Variants in TRIM2 observed in about 807,000 individuals in gnomAD.
The protein encoded by TRIM2 is tripartite motif containing 2, also known as tripartite motif-containing protein 2.
In TRIM2, 20 loss-of-function variants were observed where a neutral mutation model predicts 75.2. The observed-to-expected ratio is 0.27, with a 90% CI of 0.19 to 0.39. TRIM2 has a LOEUF of 0.39. Among genes scored for constraint, TRIM2 ranks in the 10% least tolerant of loss-of-function variants. The probability of loss-of-function intolerance (pLI) is 1.00; values close to 1 mark genes in which losing one functional copy is unlikely to be tolerated. For synonymous variants in TRIM2, 373 were observed against 388.3 expected, an observed-to-expected ratio of 0.96 and a Z score of 0.46; for missense variants, 660 against 990.8, an observed-to-expected ratio of 0.67 and a Z score of 4.48.
At chr4:153,323,471 GTTGTT>G (rs370045243) in intron 9 of TRIM2, among the ~76,000 whole-genome samples, 25 of 152,198 alleles carry the variant, frequency 1.6e-4, no homozygotes, top group East Asian at 9.7e-4. Flanking sequence ...TGGGTTTTCT[GTTGTT>G]TTGTTTTGTT....
chr4:153,231,342 G>T (rs1327898266), intron 1 of TRIM2, among the ~76,000 whole-genome samples: 1 of 152,184 alleles, frequency 6.6e-6, no homozygotes, highest in Admixed American at 6.5e-5. Context: ...GTTCAGAAAA[G>T]AGAGAGAACA....
At position 153,204,485 on chromosome 4, in the gene TRIM2, C is replaced by T; in HGVS notation, c.-46C>T. On this transcript the variant is annotated 5_prime_UTR_variant, in exon 1 of 12. Transcript: ENST00000338700. ...AATGGGCCCAGTTGTCTGCGGGCTGCGGGGAGCTAAGTCCCCAGATTGGAG... is the reference window on the plus strand; with the variant it reads ...AATGGGCCCAGTTGTCTGCGGGCTGTGGGGAGCTAAGTCCCCAGATTGGAG... The T allele has an allele frequency of 6.5e-7, 1 of 1,550,042 alleles. No homozygotes were observed. The highest frequency in any genetic ancestry group is 8.7e-7 in the Non-Finnish European group (1 of 1,145,602).
intron 1 of TRIM2, among the ~76,000 whole-genome samples, chr4:153,174,335 CCT>C (rs1222994902): frequency 6.6e-6 from 1 of 151,962 alleles, no homozygotes; most frequent in Non-Finnish European, 1.5e-5. Context: ...CCATCCCTTC[CCT>C]CTTTCTTTCC....
At chr4:153,270,306 T>C (rs999696902) in intron 1 of TRIM2, 29 bp from the exon 2 acceptor site, 2 of 1,595,962 alleles carry the variant, frequency 1.3e-6, no homozygotes, top group African/African-American at 2.7e-5. Context: ...TCATTATATG[T>C]TTTTCTGTTT....
At chr4:153,206,666 T>G (rs1360093459) in intron 1 of TRIM2, among the ~76,000 whole-genome samples, 1 of 152,052 alleles carries the variant, frequency 6.6e-6, no homozygotes. Context: ...TGAGTCAACC[T>G]CCTGCCCCTC....
chr4:153,259,223 A>G (rs1057209489), intron 1 of TRIM2, among the ~76,000 whole-genome samples: 5 of 152,262 alleles, frequency 3.3e-5, no homozygotes, highest in Non-Finnish European at 4.4e-5. Context: ...GTAATACTAT[A>G]GTCCTGCAAT....
chr4:153,305,778 C>A (rs1382832137), intron 6 of TRIM2, among the ~76,000 whole-genome samples: 3 of 152,216 alleles, frequency 2.0e-5, no homozygotes, highest in Non-Finnish European at 4.4e-5. Flanking sequence ...AAAGCCTCAC[C>A]TCTCAACACT....
intron 8 of TRIM2, among the ~76,000 whole-genome samples, chr4:153,317,074 G>T (rs1420105014): frequency 6.6e-6 from 1 of 150,688 alleles, no homozygotes; most frequent in Admixed American, 6.6e-5. Context: ...TAGAGACGGG[G>T]TTTCACCGTG....
intron 1 of TRIM2, among the ~76,000 whole-genome samples, chr4:153,160,050 A>G (rs1258296116): frequency 6.6e-6 from 1 of 152,156 alleles, no homozygotes; most frequent in East Asian, 1.9e-4. Context: ...TTCCATTGTT[A>G]TATCTCTATT....
chr4:153,165,561 G>A (rs184574255), intron 1 of TRIM2, among the ~76,000 whole-genome samples: 14 of 152,144 alleles, frequency 9.2e-5, no homozygotes, highest in African/African-American at 1.7e-4. Flanking sequence ...TCGAACTCCC[G>A]GGCTCAAGCC....
intron 1 of TRIM2, among the ~76,000 whole-genome samples, chr4:153,211,972 A>G (rs925652775): frequency 1.3e-5 from 2 of 152,196 alleles, no homozygotes; most frequent in Non-Finnish European, 2.9e-5. Flanking sequence ...GTAGATGGAA[A>G]TATCCCTTCT....
intron 1 of TRIM2, among the ~76,000 whole-genome samples, chr4:153,178,570 T>A (rs1050840182): frequency 1.3e-5 from 2 of 152,170 alleles, no homozygotes; most frequent in Non-Finnish European, 2.9e-5. Context: ...AAGCTCACTA[T>A]GCTAGATAAT....
chr4:153,281,824 A>G (rs957312737), intron 3 of TRIM2, among the ~76,000 whole-genome samples: 1 of 152,254 alleles, frequency 6.6e-6, no homozygotes, highest in Admixed American at 6.5e-5. Flanking sequence ...CAGACACTTG[A>G]GCTCATGCCT....
intron 6 of TRIM2, among the ~76,000 whole-genome samples, chr4:153,301,384 G>A (rs6812148): frequency 0.61 from 92,886 of 151,934 alleles, 29,387 homozygotes; most frequent in African/African-American, 0.77. Flanking sequence ...AGTTGTTTGA[G>A]TTTCTTGTGT....
chr4:153,203,103 C>CAAAAAAAA (rs200371158), upstream of TRIM2, among the ~76,000 whole-genome samples: 1 of 87,326 alleles, frequency 1.1e-5, no homozygotes, highest in Non-Finnish European at 2.7e-5. Context: ...GACTCCATCT[C>CAAAAAAAA]AAAAAAAAAA....
intron 1 of TRIM2, among the ~76,000 whole-genome samples, chr4:153,158,084 A>G (rs1360657616): frequency 6.6e-6 from 1 of 152,182 alleles, no homozygotes; most frequent in African/African-American, 2.4e-5. Flanking sequence ...TCTATTCTAG[A>G]GCTTTCCTGT....
At position 153,192,602 on chromosome 4, in the gene TRIM2, CAAAA is replaced by C. The variant is rs35750080; in HGVS notation, c.-49+39348_-49+39351del. The stretch of plus-strand genomic sequence containing the variant: ...AGCCAGAGTGACAGAGACCCTATCT[CAAAA>C]AAAAAAAAAAAAAAAGAAAGTTAAA... On this transcript the variant is annotated intron_variant, in intron 1 of 11. Coordinates refer to the TRIM2 transcript ENST00000437508. 2.9e-3 allele frequency among the ~76,000 whole-genome samples: 312 copies of C among 106,402 alleles called. 4 individuals are homozygous for C. Among genetic ancestry groups the C allele is most frequent in the African/African-American group, 0.011 (282 of 25,762 alleles). 69.8% of individuals were successfully genotyped at this position (106,402 alleles called of 152,430 possible). A position where few individuals can be genotyped will look rare whatever the true frequency, so the allele number is the denominator to read the frequency against.
rs1236588505 is a variant in TRIM2, at chr4:153,336,357, AAC to A, written c.*1393_*1394del. ...GGCCTTCTGTGCTTTCAAAAAAAAA[AAC>A]AAAAAAAAAACCACACACACACATA... On this transcript the variant is annotated 3_prime_UTR_variant, in exon 12 of 12. Coordinates refer to ENST00000338700, the MANE Select transcript of TRIM2 (RefSeq NM_015271.5). 7.1e-6 allele frequency: 7 copies of A among 980,432 alleles called. No homozygotes were observed. The highest frequency in any genetic ancestry group is 1.8e-5 in the African/African-American group (1 of 55,908). 60.7% of individuals were successfully genotyped at this position (980,432 alleles called of 1,614,324 possible).
chr4:153,199,940 AT>A (rs34958420), upstream of TRIM2, among the ~76,000 whole-genome samples: 106 of 122,170 alleles, frequency 8.7e-4, no homozygotes, highest in East Asian at 1.4e-3. Context: ...TGGCCAGCTA[AT>A]TTTTTTTTTT....
Sources: allele counts gnomAD v4.1 joint callset (sites outside exome capture counted in the v4.1 genomes callset), GRCh38; gene constraint gnomAD v4.1.1; transcripts MANE v1.5; gene names NCBI Gene and HGNC (gene_info 2026-07-23, HGNC 2026-07-21).